The following SLC35D4 variants were observed in gnomAD, a reference collection of about 807,000 sequenced individuals.
The protein encoded by SLC35D4 is UDP-N-acetylglucosamine transporter SLC35D4.
At chr18:23,284,258 C>G in the SLC35D4 span, among the ~76,000 whole-genome samples, 2 of 152,232 alleles carry the variant, frequency 1.3e-5, no homozygotes, top group East Asian at 3.9e-4. Flanking sequence ...AATGCCTGGC[C>G]TCCTGGGAAT....
At chr18:23,283,579 G>A in the SLC35D4 span, among the ~76,000 whole-genome samples, 1 of 152,156 alleles carries the variant, frequency 6.6e-6, no homozygotes, top group African/African-American at 2.4e-5. Flanking sequence ...GGAGGCTGAG[G>A]TGGGCGGATC....
chr18:23,371,281 G>C, the SLC35D4 span: 40 of 607,726 alleles, frequency 6.6e-5, no homozygotes, highest in East Asian at 1.3e-3. Flanking sequence ...TTTTTGTAGA[G>C]ATGGGGTTTC....
At chr18:23,390,980 C>T in the SLC35D4 span, among the ~76,000 whole-genome samples, 1 of 152,156 alleles carries the variant, frequency 6.6e-6, no homozygotes, top group Non-Finnish European at 1.5e-5. Context: ...AATCCCAGCA[C>T]TTTGAGAGGC....
At chr18:23,286,791 C>T in the SLC35D4 span, among the ~76,000 whole-genome samples, 1 of 152,038 alleles carries the variant, frequency 6.6e-6, no homozygotes, top group Non-Finnish European at 1.5e-5. Context: ...TTTAGTTATC[C>T]CCACCTGCCC....
chr18:23,372,029 G>A, the SLC35D4 span, among the ~76,000 whole-genome samples: 7 of 131,412 alleles, frequency 5.3e-5, no homozygotes, highest in South Asian at 1.1e-3. Context: ...TCCGCCTCCC[G>A]GGTTCACGCC....
chr18:23,279,653 C>T, the SLC35D4 span, among the ~76,000 whole-genome samples: 3 of 152,040 alleles, frequency 2.0e-5, no homozygotes, highest in Non-Finnish European at 4.4e-5. Flanking sequence ...CAGACATCTA[C>T]AAGGCAAGGA....
At chr18:23,416,934 G>C in the SLC35D4 span, among the ~76,000 whole-genome samples, 1 of 152,176 alleles carries the variant, frequency 6.6e-6, no homozygotes, top group Non-Finnish European at 1.5e-5. Flanking sequence ...CTAGTCATTA[G>C]CTGCCCTTCA....
At chr18:23,276,103 T>TC in the SLC35D4 span, among the ~76,000 whole-genome samples, 1 of 152,020 alleles carries the variant, frequency 6.6e-6, no homozygotes, top group African/African-American at 2.4e-5. Context: ...CTTTTTTTTT[T>TC]CTGAGATGGA....
At chr18:23,373,882 A>G in the SLC35D4 span, 1 of 1,047,208 alleles carries the variant, frequency 9.5e-7, no homozygotes, top group African/African-American at 1.6e-5. Flanking sequence ...CTGCGAGACC[A>G]ACTTGGTTCC....
the SLC35D4 span, among the ~76,000 whole-genome samples, chr18:23,305,463 T>C: frequency 6.6e-6 from 1 of 152,218 alleles, no homozygotes; most frequent in Non-Finnish European, 1.5e-5. Flanking sequence ...CTAGTAGCTA[T>C]AAAATCTTGG....
the SLC35D4 span, among the ~76,000 whole-genome samples, chr18:23,313,268 G>A: frequency 6.6e-6 from 1 of 150,686 alleles, no homozygotes; most frequent in Non-Finnish European, 1.5e-5. Context: ...GGCTCCTCAT[G>A]TGCTTGAAAG....
the SLC35D4 span, among the ~76,000 whole-genome samples, chr18:23,285,502 T>G: frequency 1.3e-5 from 2 of 152,174 alleles, no homozygotes; most frequent in Admixed American, 6.5e-5. Context: ...TTCTAAATAA[T>G]TCTTGTCGTA....
the SLC35D4 span, among the ~76,000 whole-genome samples, chr18:23,242,547 T>C: frequency 6.6e-6 from 1 of 152,182 alleles, no homozygotes; most frequent in Non-Finnish European, 1.5e-5. Flanking sequence ...TTTGTGTTTT[T>C]TTCCCCCTCT....
At chr18:23,273,662 A>T in the SLC35D4 span, among the ~76,000 whole-genome samples, 1 of 152,182 alleles carries the variant, frequency 6.6e-6, no homozygotes, top group South Asian at 2.1e-4. Context: ...TGCATATTCC[A>T]CACTCACTTA....
chr18:23,352,758 C>T, the SLC35D4 span, among the ~76,000 whole-genome samples: 78,594 of 152,116 alleles, frequency 0.52, 20,465 homozygotes, highest in South Asian at 0.59. Context: ...AGGCTGGCTT[C>T]AGTGACACAT....
chr18:23,243,100 A>G, the SLC35D4 span, among the ~76,000 whole-genome samples: 6 of 151,442 alleles, frequency 4.0e-5, no homozygotes, highest in Non-Finnish European at 7.4e-5. Context: ...AACTATATAT[A>G]TATCTATTTC....
chr18:23,303,833 T>C, the SLC35D4 span, among the ~76,000 whole-genome samples: 14 of 149,768 alleles, frequency 9.3e-5, no homozygotes, highest in East Asian at 2.5e-3. Context: ...CCCAGGGAGA[T>C]GGAGGTTCCA....
At chr18:23,354,350 A>AG in the SLC35D4 span, among the ~76,000 whole-genome samples, 1 of 81,928 alleles carries the variant, frequency 1.2e-5, no homozygotes, top group South Asian at 3.6e-4. Flanking sequence ...AAATACAAAA[A>AG]AAAAAAAAAA....
At chr18:23,308,266 T>C in the SLC35D4 span, among the ~76,000 whole-genome samples, 3 of 152,062 alleles carry the variant, frequency 2.0e-5, no homozygotes, top group African/African-American at 7.2e-5. Flanking sequence ...GACACATGTG[T>C]GCCATGGCCA....
Sources: allele counts gnomAD v4.1 joint callset (sites outside exome capture counted in the v4.1 genomes callset), GRCh38; gene constraint gnomAD v4.1.1; transcripts MANE v1.5; gene names NCBI Gene and HGNC (gene_info 2026-07-23, HGNC 2026-07-21).